The following CHIC1 variants were observed in gnomAD, a reference collection of about 807,000 sequenced individuals.
CHIC1 encodes cysteine rich hydrophobic domain 1.
A neutral mutation model predicts 18.5 loss-of-function variants in CHIC1; 7 were observed. The ratio of observed to expected loss-of-function variants is 0.38; its 90% CI spans 0.22 to 0.71. The LOEUF (loss-of-function observed/expected upper bound fraction) is 0.71. Among genes scored for constraint, CHIC1 ranks in the 30% least tolerant of loss-of-function variants. The probability of loss-of-function intolerance (pLI) is 0.49; values close to 1 mark genes in which losing one functional copy is unlikely to be tolerated. For synonymous variants in CHIC1, 77 were observed against 73.5 expected (o/e 1.05, Z -0.25); for missense variants, 159 against 176.9 (o/e 0.90, Z 0.57).
chrX:73,671,852 G>A (rs1196396115), intron 3 of CHIC1, among the ~76,000 whole-genome samples: 4 of 109,199 alleles, frequency 3.7e-5, no homozygotes, highest in African/African-American at 1.3e-4. Flanking sequence ...CATGTGCCAT[G>A]TTGGTGTGCT....
intron 3 of CHIC1, among the ~76,000 whole-genome samples, chrX:73,676,091 C>A (rs762078243): frequency 1.8e-5 from 2 of 111,473 alleles, no homozygotes; most frequent in East Asian, 2.8e-4. Flanking sequence ...GAGTTTCTGC[C>A]GAGAGATCTG....
chrX:73,673,479 G>A (rs1187285530), intron 3 of CHIC1, among the ~76,000 whole-genome samples: 1 of 111,579 alleles, frequency 9.0e-6, no homozygotes, highest in East Asian at 2.8e-4. Context: ...TTGTAAGTTG[G>A]ATTCCTAGGT....
In CHIC1 at chrX:73,636,918, T is replaced by TA. The variant is rs1386304862; in HGVS notation, c.508-42402dup. 3.6e-5 allele frequency among the ~76,000 whole-genome samples: 4 copies of TA among 111,596 alleles called. No individual in the cohort carries two copies. The East Asian group carries it at 1.1e-3, about 31-fold the overall frequency. On this transcript the variant is annotated intron_variant, in intron 3 of 5. Coordinates refer to ENST00000373502, the MANE Select transcript of CHIC1 (RefSeq NM_001039840.4). Reference sequence around the variant, plus strand: ...GTGTTTATCATTTGTTTTATAGAAATAAAAAATGCAGTATATTACAATATA... The same window carrying TA: ...GTGTTTATCATTTGTTTTATAGAAATAAAAAAATGCAGTATATTACAATATA...
intron 3 of CHIC1, among the ~76,000 whole-genome samples, chrX:73,670,302 C>G (rs2058023766): frequency 9.0e-6 from 1 of 111,724 alleles, no homozygotes; most frequent in African/African-American, 3.3e-5. Context: ...TTCACTCACC[C>G]CTTTCATTCC....
At chrX:73,633,215 C>T (rs1035799088) in intron 3 of CHIC1, among the ~76,000 whole-genome samples, 13 of 110,691 alleles carry the variant, frequency 1.2e-4, no homozygotes, top group Admixed American at 1.9e-4. Flanking sequence ...TGGTGATGAA[C>T]TTACATCCCT....
intron 3 of CHIC1, among the ~76,000 whole-genome samples, chrX:73,652,162 C>T (rs778443218): frequency 9.9e-5 from 11 of 111,331 alleles, no homozygotes; most frequent in Non-Finnish European, 2.1e-4. Context: ...TAAATGGTGC[C>T]GGGAGAACTG....
chrX:73,588,885 G>A (rs1443349716), intron 3 of CHIC1, among the ~76,000 whole-genome samples: 2 of 110,070 alleles, frequency 1.8e-5, no homozygotes, highest in African/African-American at 6.6e-5. Flanking sequence ...TACTGTAAGA[G>A]TGATATGTAA....
At chrX:73,674,656 C>A (rs1265675867) in intron 3 of CHIC1, among the ~76,000 whole-genome samples, 1 of 111,510 alleles carries the variant, frequency 9.0e-6, no homozygotes, top group Non-Finnish European at 1.9e-5. Flanking sequence ...AGCGGTCTAT[C>A]AATTTTGTTG....
In CHIC1 at chrX:73,563,378, C is replaced by T. The variant is rs1569498989; in HGVS notation, c.94C>T (p.Pro32Ser). Residue 32 changes from proline to serine, a missense_variant, in exon 1 of 6, where the codon CCG becomes TCG. Coordinates refer to ENST00000373502, the MANE Select transcript of CHIC1 (RefSeq NM_001039840.4). The stretch of plus-strand genomic sequence containing the variant: ...AGAAGCGGCAACGTCGTCGTCGTCG[C>T]CGTCGTCGTCGTCGTCGGTATCTGG... ...EEEAATSSSS[P>S]SSSSSVSGPD... The T allele has an allele frequency of 8.7e-7, 1 of 1,153,738 alleles. No individual in the cohort carries two copies. The highest frequency in any genetic ancestry group is 2.7e-5 in the Admixed American group (1 of 37,597).
intron 3 of CHIC1, among the ~76,000 whole-genome samples, chrX:73,653,272 C>T (rs369735029): frequency 2.7e-5 from 3 of 110,682 alleles, no homozygotes; most frequent in Admixed American, 1.9e-4. Context: ...CAATAGATGC[C>T]GCAAACCACC....
chrX:73,574,492 A>G (rs2057487134), intron 1 of CHIC1, among the ~76,000 whole-genome samples: 1 of 110,423 alleles, frequency 9.1e-6, no homozygotes. Flanking sequence ...GAATCGTTTC[A>G]GTGGGATTAG....
At chrX:73,639,215 A>G (rs1001968658) in intron 3 of CHIC1, among the ~76,000 whole-genome samples, 5 of 111,410 alleles carry the variant, frequency 4.5e-5, no homozygotes, top group African/African-American at 1.6e-4. Flanking sequence ...AATAATAGCT[A>G]TTCTGACTGA....
intron 1 of CHIC1, among the ~76,000 whole-genome samples, chrX:73,570,946 G>A (rs889601007): frequency 4.5e-5 from 5 of 110,524 alleles, no homozygotes; most frequent in Admixed American, 1.9e-4. Context: ...AAGACAAGAT[G>A]GACTTGTCAT....
intron 3 of CHIC1, among the ~76,000 whole-genome samples, chrX:73,598,477 C>T (rs1319468355): frequency 1.4e-5 from 1 of 71,889 alleles, no homozygotes; most frequent in Non-Finnish European, 2.6e-5. Flanking sequence ...GCTATCCCTC[C>T]CCCCTCCCCC....
At chrX:73,573,379 C>G (rs1291392834) in intron 1 of CHIC1, among the ~76,000 whole-genome samples, 1 of 111,509 alleles carries the variant, frequency 9.0e-6, no homozygotes, top group Non-Finnish European at 1.9e-5. Flanking sequence ...AATATGATGC[C>G]TCTGGCTTTG....
chrX:73,669,031 C>G (rs903124937), intron 3 of CHIC1, among the ~76,000 whole-genome samples: 1 of 111,912 alleles, frequency 8.9e-6, no homozygotes, highest in African/African-American at 3.3e-5. Flanking sequence ...GCCAGAAGTT[C>G]CAGCTGGGAG....
chrX:73,656,975 T>C (rs1436519567), intron 3 of CHIC1, among the ~76,000 whole-genome samples: 1 of 111,556 alleles, frequency 9.0e-6, no homozygotes, highest in African/African-American at 3.3e-5. Flanking sequence ...TCTGATTTCT[T>C]TGAGCAGTGT....
chrX:73,596,846 C>A (rs2057611543), intron 3 of CHIC1, among the ~76,000 whole-genome samples: 1 of 111,444 alleles, frequency 9.0e-6, no homozygotes, highest in South Asian at 3.8e-4. Flanking sequence ...TGAAACTGGA[C>A]CCCTTCCTTA....
At chrX:73,597,556 A>C (rs1200538441) in intron 3 of CHIC1, among the ~76,000 whole-genome samples, 2 of 106,987 alleles carry the variant, frequency 1.9e-5, no homozygotes, top group Non-Finnish European at 1.9e-5. Context: ...ATATATTTTT[A>C]TATATATAAC....
Sources: gnomAD v4.1 joint callset for allele counts (sites outside exome capture counted in the v4.1 genomes callset) on GRCh38, gnomAD v4.1.1 for gene constraint, MANE v1.5 for transcripts, NCBI Gene and HGNC (gene_info 2026-07-23, HGNC 2026-07-21) for gene names.